Variants in TNFRSF8 observed in about 807,000 individuals in gnomAD.
TNFRSF8 encodes the protein tumor necrosis factor receptor superfamily member 8.
TNFRSF8 carries 26 observed loss-of-function variants against 70.8 expected under a neutral mutation model. The ratio of observed to expected loss-of-function variants is 0.37; its 90% CI spans 0.27 to 0.51. The LOEUF (loss-of-function observed/expected upper bound fraction) is 0.51. Among genes scored for constraint, TNFRSF8 ranks in the 20% least tolerant of loss-of-function variants. The probability of loss-of-function intolerance (pLI) is 0.94; values close to 1 mark genes in which losing one functional copy is unlikely to be tolerated. For missense variants in TNFRSF8, 720 were observed against 807.9 expected, an observed-to-expected ratio of 0.89 and a Z score of 1.32; for synonymous variants, 356 against 339.2, an observed-to-expected ratio of 1.05 and a Z score of -0.54.
rs894408092 is a variant in TNFRSF8, at chr1:12,113,309, C to T, written c.793+1295C>T. ...TTCCTCATGGTCTGGTGGTTAGGTT[C>T]TAAAGGCGAAGTCTTTTTCTCTTTT... On this transcript the variant is annotated intron_variant, in intron 7 of 14. Transcript: ENST00000263932. The surrounding 1 kb of genome is among the most constrained non-coding windows in gnomAD (Gnocchi z 4.9). 3.9e-5 allele frequency among the ~76,000 whole-genome samples: 6 copies of T among 152,180 alleles called. No individual in the cohort carries two copies. The highest frequency in any genetic ancestry group is 7.3e-5 in the Non-Finnish European group (5 of 68,030).
At chr1:12,140,795 C>T (rs1484148795) in intron 14 of TNFRSF8, among the ~76,000 whole-genome samples, 3 of 152,136 alleles carry the variant, frequency 2.0e-5, no homozygotes. Flanking sequence ...AGCACCCCCA[C>T]CCTCACTTCC....
chr1:12,120,879 G>A (rs1197365228), intron 8 of TNFRSF8, among the ~76,000 whole-genome samples: 1 of 152,128 alleles, frequency 6.6e-6, no homozygotes, highest in African/African-American at 2.4e-5. Context: ...GGGGATGAGA[G>A]GCACCCAAGG....
At chr1:12,114,532 G>C (rs747722764) in intron 7 of TNFRSF8, among the ~76,000 whole-genome samples, 10 of 151,832 alleles carry the variant, frequency 6.6e-5, no homozygotes, top group Admixed American at 4.6e-4. Context: ...ATCTACCCTC[G>C]CGGAGAGGTC....
intron 10 of TNFRSF8, among the ~76,000 whole-genome samples, chr1:12,125,183 C>T (rs1031303165): frequency 6.6e-6 from 1 of 152,218 alleles, no homozygotes; most frequent in Non-Finnish European, 1.5e-5. Context: ...TAAACATGGA[C>T]TTCAATAAAG....
chr1:12,128,046 T>C (rs1641973683), intron 12 of TNFRSF8, among the ~76,000 whole-genome samples: 1 of 152,088 alleles, frequency 6.6e-6, no homozygotes, highest in African/African-American at 2.4e-5. Flanking sequence ...GAGCACCGGG[T>C]GAGAATGGAC....
At chr1:12,114,718 TTTTTTA>T (rs1223723705) in intron 7 of TNFRSF8, among the ~76,000 whole-genome samples, 1 of 109,118 alleles carries the variant, frequency 9.2e-6, no homozygotes, top group Non-Finnish European at 1.9e-5. Flanking sequence ...TTTTTTTTTT[TTTTTTA>T]AATAGACAGA....
rs935322801 is a variant in TNFRSF8, at chr1:12,074,694, C to G, written c.64-9770C>G. Among the ~76,000 whole-genome samples, 10 of 152,310 alleles carry G rather than the reference C, an allele frequency of 6.6e-5. No homozygotes were observed. The East Asian group carries it at 1.5e-3, about 23-fold the overall frequency. On this transcript the variant is annotated intron_variant, in intron 1 of 14. Coordinates refer to ENST00000263932, the MANE Select transcript of TNFRSF8 (RefSeq NM_001243.5). ...GCTCCCATACCCTTCCTTGGAGAAT[C>G]AAAGAGTAAGTAACCACATCAAAGG...
Position 12,110,016 on chromosome 1 carries a change from G to A in TNFRSF8, c.513-25G>A. The A allele has an allele frequency of 6.2e-7, 1 of 1,609,002 alleles. No homozygotes were observed. Among genetic ancestry groups the A allele is most frequent in the Non-Finnish European group, 8.5e-7 (1 of 1,177,610 alleles). Reference sequence around the variant, plus strand: ...CCTTGCCCCATTGGCAGAATTATCAGTCCCATCTCTGGCTTCTTCCCCAGT... The same window carrying A: ...CCTTGCCCCATTGGCAGAATTATCAATCCCATCTCTGGCTTCTTCCCCAGT... On this transcript the variant is annotated intron_variant, in intron 5 of 14. Coordinates refer to ENST00000263932, the MANE Select transcript of TNFRSF8 (RefSeq NM_001243.5). This position sits in a 1 kb window ranked among gnomAD's most constrained non-coding sequence, Gnocchi z 4.0.
intron 12 of TNFRSF8, among the ~76,000 whole-genome samples, chr1:12,126,885 T>C (rs1289924452): frequency 1.3e-5 from 2 of 152,238 alleles, no homozygotes; most frequent in African/African-American, 4.8e-5. Flanking sequence ...AATCGGTGGC[T>C]GCTGCCTATT....
rs569403836 is a variant in TNFRSF8, at chr1:12,123,319, C to A, written c.982C>A (p.Pro328Thr). 4.6e-5 allele frequency: 75 copies of A among 1,613,308 alleles called. No individual in the cohort carries two copies. Among genetic ancestry groups the A allele is most frequent in the South Asian group, 3.0e-4 (27 of 90,876 alleles). Residue 328 changes from proline to threonine, a missense_variant, in exon 9 of 15, where the codon CCC (proline) becomes ACC (threonine). Physicochemically the swap from Pro to Thr is conservative, Grantham distance 38. Transcript: ENST00000263932. ...AEKDTTFEAPPLGTQPDCNPT... is the reference protein window; with the variant it reads ...AEKDTTFEAPTLGTQPDCNPT... ...GAAGGACACCACCTTTGAGGCGCCA[C>A]CCCTGGGGACCCAGCCGGACTGCAA...
Position 12,143,048 on chromosome 1 carries a change from G to A in TNFRSF8, c.*517G>A, listed in dbSNP as rs778107796. On this transcript the variant is annotated 3_prime_UTR_variant, in exon 15 of 15. Coordinates refer to ENST00000263932, the MANE Select transcript of TNFRSF8 (RefSeq NM_001243.5). The surrounding 1 kb of genome is among the most constrained non-coding windows in gnomAD (Gnocchi z 4.1). ...CAGTGGGCATGGAGCCAGTGCCTGT[G>A]GTTGTTTCTCCAGAGTCAAAAGGGA... 6.5e-6 allele frequency: 1 copy of A among 154,992 alleles called. No individual in the cohort carries two copies. The highest frequency in any genetic ancestry group is 1.4e-5 in the Non-Finnish European group (1 of 69,776). The allele number at this position is 154,992 out of a possible 1,614,324, so 9.6% of individuals were successfully genotyped here.
intron 1 of TNFRSF8, among the ~76,000 whole-genome samples, chr1:12,072,708 C>T (rs901435169): frequency 6.6e-6 from 1 of 152,192 alleles, no homozygotes; most frequent in Non-Finnish European, 1.5e-5. Context: ...ACTTTCTTGA[C>T]GGATTGCTGC....
At chr1:12,118,854 G>T (rs533007970) in intron 8 of TNFRSF8, among the ~76,000 whole-genome samples, 12 of 152,060 alleles carry the variant, frequency 7.9e-5, no homozygotes, top group Non-Finnish European at 1.5e-4. Context: ...TTGTTTTTTT[G>T]TTTGTTTGTT....
chr1:12,132,756 T>A (rs1377378559), intron 12 of TNFRSF8, among the ~76,000 whole-genome samples: 1 of 138,468 alleles, frequency 7.2e-6, no homozygotes, highest in Non-Finnish European at 1.5e-5. Flanking sequence ...GAGGATCGCT[T>A]AAACCCCAGA....
intron 3 of TNFRSF8, among the ~76,000 whole-genome samples, chr1:12,100,708 G>A (rs1039085096): frequency 2.6e-5 from 4 of 152,136 alleles, no homozygotes; most frequent in Non-Finnish European, 5.9e-5. Flanking sequence ...TGTAATCCCA[G>A]CACTTTGGGA....
chr1:12,071,801 G>C (rs1044226044), intron 1 of TNFRSF8, among the ~76,000 whole-genome samples: 1 of 152,142 alleles, frequency 6.6e-6, no homozygotes, highest in African/African-American at 2.4e-5. Flanking sequence ...GGCCTCAAGT[G>C]ATCCACCTGC....
rs2100974300 is a variant in TNFRSF8, at chr1:12,088,831, G to A, written c.151+4280G>A. Reference sequence around the variant, plus strand: ...CTGCCCTTGGGTAAAGCTCAGCTTTGTGCATGGGCACGCCCATTTGGCATG... The same window carrying A: ...CTGCCCTTGGGTAAAGCTCAGCTTTATGCATGGGCACGCCCATTTGGCATG... On this transcript the variant is annotated intron_variant, in intron 2 of 14. Transcript: ENST00000263932. This position sits in a 1 kb window ranked among gnomAD's most constrained non-coding sequence, Gnocchi z 4.0. Among the ~76,000 whole-genome samples the A allele has an allele frequency of 6.6e-6, 1 of 152,358 alleles. No homozygotes were observed. Among genetic ancestry groups the A allele is most frequent in the South Asian group, 2.1e-4 (1 of 4,828 alleles).
intron 10 of TNFRSF8, 122 bp from the exon 11 acceptor site, chr1:12,125,829 G>C: frequency 1.2e-6 from 1 of 807,430 alleles, no homozygotes; most frequent in Non-Finnish European, 2.2e-6. Flanking sequence ...GCTTGGAAAG[G>C]ACCTGTTGTT....
In TNFRSF8 at chr1:12,125,951, G is replaced by C; in HGVS notation, c.1154G>C (p.Gly385Ala). 1 of 1,613,862 alleles carries C rather than the reference G, an allele frequency of 6.2e-7. No individual in the cohort carries two copies. The highest frequency in any genetic ancestry group is 8.5e-7 in the Non-Finnish European group (1 of 1,179,762). ...SSTGKPVLDA[G>A]PVLFWVILVL... The stretch of plus-strand genomic sequence containing the variant: ...AGTGTGGGGCGTCTCTGTGTTCCAG[G>C]GCCAGTGCTCTTCTGGGTGATCCTG... Residue 385 changes from glycine (G) to alanine (A), a missense_variant and splice_region_variant, in exon 11 of 15, where the codon GGG becomes GCG. Coordinates refer to ENST00000263932, the MANE Select transcript of TNFRSF8 (RefSeq NM_001243.5).
Sources: gnomAD v4.1 joint callset for allele counts (sites outside exome capture counted in the v4.1 genomes callset) on GRCh38, gnomAD v4.1.1 for gene constraint, Gnocchi (gnomAD v3.1) non-coding constraint, MANE v1.5 for transcripts, NCBI Gene and HGNC (gene_info 2026-07-23, HGNC 2026-07-21) for gene names.